The following ZNF582 variants were observed in gnomAD, a reference collection of about 807,000 sequenced individuals.
ZNF582 encodes the protein zinc finger protein 582.
In ZNF582, 14 loss-of-function variants were observed where a neutral mutation model predicts 12.3. The ratio of observed to expected loss-of-function variants is 1.14; its 90% CI spans 0.75 to 1.78. The LOEUF (loss-of-function observed/expected upper bound fraction) is 1.78. Among genes scored for constraint, ZNF582 ranks in the 40% most tolerant of loss-of-function variants. ZNF582 has a pLI of 0.00. For synonymous variants in ZNF582, 210 were observed against 207.2 expected, an observed-to-expected ratio of 1.01 and a Z score of -0.11; for missense variants, 567 against 616.5, an observed-to-expected ratio of 0.92 and a Z score of 0.85.
exon 5 of ZNF582, chr19:56,384,201 G>A (rs374309437): frequency 1.4e-5 from 23 of 1,612,228 alleles, no homozygotes; most frequent in Non-Finnish European, 1.9e-5. Context: ...TGTGAGACCC[G>A]TTTGAAGGCC....
At chr19:56,390,426 C>A (rs903557922) in exon 3 of ZNF582, 1 of 1,614,002 alleles carries the variant, frequency 6.2e-7, no homozygotes, top group African/African-American at 1.3e-5. Context: ...CTGTACAAAT[C>A]CCTCTGAGCA....
chr19:56,384,910 T>A (rs754449796), exon 5 of ZNF582: 1 of 1,613,896 alleles, frequency 6.2e-7, no homozygotes, highest in Non-Finnish European at 8.5e-7. Flanking sequence ...ACCCAAAAGG[T>A]TTTTCTCTAG....
chr19:56,391,355 A>T (rs532318609), intron 2 of ZNF582, among the ~76,000 whole-genome samples: 1 of 152,346 alleles, frequency 6.6e-6, no homozygotes, highest in African/African-American at 2.4e-5. Flanking sequence ...TTACATATCC[A>T]ATCATTAATC....
At chr19:56,392,538 G>C (rs562790837) in intron 1 of ZNF582, among the ~76,000 whole-genome samples, 2 of 152,230 alleles carry the variant, frequency 1.3e-5, no homozygotes, top group African/African-American at 4.8e-5. Context: ...ACGTAAGTAG[G>C]CAAGTCCACA....
chr19:56,383,448 C>T (rs887072360), exon 5 of ZNF582: 1 of 155,902 alleles, frequency 6.4e-6, no homozygotes, highest in African/African-American at 2.4e-5. Context: ...GTAGCTTTGG[C>T]TTTCCCCTTA....
rs765170469 is a variant in ZNF582 at position 56,385,029 on chromosome 19, T to C, written c.388A>G (p.Arg130Gly). Residue 130 changes from arginine (R) to glycine (G), a missense_variant, in exon 5 of 5, where the codon AGA (arginine) becomes GGA (glycine). Coordinates refer to ENST00000586929, the Ensembl canonical transcript of ZNF582. ...TGTCTGTCTGGATTTCCCTGTTGTC[T>C]GTCAAACTGGTTTCTGCATTCCCAA... 1.4e-5 allele frequency: 22 copies of C among 1,614,068 alleles called. No individual in the cohort carries two copies. The African/African-American group carries it at 2.7e-4, about 20-fold the overall frequency.
At chr19:56,390,274 A>G in intron 3 of ZNF582, 101 bp downstream of exon 3, 2 of 1,575,550 alleles carry the variant, frequency 1.3e-6, no homozygotes, top group South Asian at 1.1e-5. Context: ...TAACCCCTCA[A>G]AAATGACCAA....
intron 4 of ZNF582, 79 bp from the exon 5 acceptor site, chr19:56,385,263 T>C (rs558759531): frequency 7.2e-7 from 1 of 1,398,242 alleles, no homozygotes; most frequent in East Asian, 2.4e-5. Context: ...CTGGAGGGTT[T>C]AGACTCAATG....
At chr19:56,384,651 C>G in exon 5 of ZNF582, 1 of 1,614,106 alleles carries the variant, frequency 6.2e-7, no homozygotes, top group Non-Finnish European at 8.5e-7. Context: ...TCTTTACATT[C>G]ATACGGTTTC....
chr19:56,390,818 A>G (rs1027078801), intron 2 of ZNF582, among the ~76,000 whole-genome samples: 3 of 152,232 alleles, frequency 2.0e-5, no homozygotes, highest in African/African-American at 7.2e-5. Context: ...TTGGCATACA[A>G]TAAATTCTCA....
chr19:56,391,168 C>T (rs1276815739), intron 2 of ZNF582, among the ~76,000 whole-genome samples: 1 of 152,138 alleles, frequency 6.6e-6, no homozygotes, highest in Non-Finnish European at 1.5e-5. Context: ...GACCACTCAC[C>T]CACCTAGATG....
At chr19:56,384,537 G>A (rs768322817) in exon 5 of ZNF582, 2 of 1,613,758 alleles carry the variant, frequency 1.2e-6, no homozygotes, top group African/African-American at 1.3e-5. Context: ...TGTGAGATCC[G>A]ATTGAAGGCC....
At chr19:56,385,250 G>T in intron 4 of ZNF582, 66 bp from the exon 5 acceptor site, 1 of 1,479,600 alleles carries the variant, frequency 6.8e-7, no homozygotes, top group Non-Finnish European at 8.9e-7. Context: ...ACTAAAATAA[G>T]AACTGGAGGG....
At chr19:56,387,658 C>T (rs1352825116) in intron 4 of ZNF582, 1 of 152,112 alleles carries the variant, frequency 6.6e-6, no homozygotes, top group Non-Finnish European at 1.5e-5. Context: ...AGTGCAGAGG[C>T]ACAATCATAT....
chr19:56,387,048 T>A (rs1186423660), intron 4 of ZNF582, among the ~76,000 whole-genome samples: 3 of 152,250 alleles, frequency 2.0e-5, no homozygotes, highest in African/African-American at 7.2e-5. Flanking sequence ...GACTTCTGGC[T>A]AAGGATGTTG....
chr19:56,385,481 T>C (rs577499090), intron 4 of ZNF582, among the ~76,000 whole-genome samples: 2 of 151,648 alleles, frequency 1.3e-5, no homozygotes, highest in African/African-American at 4.8e-5. Flanking sequence ...AGGCCAGGAG[T>C]TTGAGACCAG....
At chr19:56,389,625 C>A (rs993472561) in intron 4 of ZNF582, among the ~76,000 whole-genome samples, 2 of 151,918 alleles carry the variant, frequency 1.3e-5, no homozygotes, top group South Asian at 4.2e-4. Context: ...CCCCATGACA[C>A]AAGTTTACCT....
rs868772761 is a variant in ZNF582 at position 56,385,126 on chromosome 19, G to A, written c.291C>T (p.Val97=). 1.8e-5 allele frequency: 29 copies of A among 1,612,546 alleles called. No individual in the cohort carries two copies. The Middle Eastern group carries it at 3.1e-3, about 174-fold the overall frequency. Residue 97 remains valine, a synonymous_variant, in exon 5 of 5, where the codon GTC becomes GTT. Transcript: ENST00000586929. ...CCATTATCTCCCATTGGGGTGATTCGACTTCATAAACATGCTGCTTTGGAA... is the reference window on the plus strand; with the variant it reads ...CCATTATCTCCCATTGGGGTGATTCAACTTCATAAACATGCTGCTTTGGAA...
chr19:56,385,741 G>A (rs541879455), intron 4 of ZNF582, among the ~76,000 whole-genome samples: 1 of 151,562 alleles, frequency 6.6e-6, no homozygotes, highest in South Asian at 2.1e-4. Flanking sequence ...GACAGTAAAT[G>A]TTTCTGTGAG....
Sources: gnomAD v4.1 joint callset for allele counts (sites outside exome capture counted in the v4.1 genomes callset) on GRCh38, gnomAD v4.1.1 for gene constraint, MANE v1.5 for transcripts, NCBI Gene and HGNC (gene_info 2026-07-23, HGNC 2026-07-21) for gene names.